The following KCNS1 variants were observed in gnomAD, a reference collection of about 807,000 sequenced individuals.
The protein encoded by KCNS1 is delayed-rectifier potassium channel regulatory subunit KCNS1.
In KCNS1, 26 loss-of-function variants were observed where a neutral mutation model predicts 33.1. That is an observed-to-expected ratio of 0.79 (90% CI 0.58 to 1.09). The LOEUF (loss-of-function observed/expected upper bound fraction) is 1.09, where lower values mean the gene tolerates loss of function less well. Among genes scored for constraint, KCNS1 ranks in the 50% least tolerant of loss-of-function variants. The pLI, the probability that KCNS1 is intolerant of heterozygous loss-of-function variation, is 0.00. For synonymous variants in KCNS1, 299 were observed against 338.8 expected, an observed-to-expected ratio of 0.88 and a Z score of 1.29; for missense variants, 702 against 752.4, an observed-to-expected ratio of 0.93 and a Z score of 0.78.
At chr20:45,095,655 T>G (rs866775223) in intron 3 of KCNS1, among the ~76,000 whole-genome samples, 1 of 152,238 alleles carries the variant, frequency 6.6e-6, no homozygotes, top group Admixed American at 6.5e-5. Context: ...ATTTTTACAC[T>G]GTTGCAGAAC....
chr20:45,098,628 G>T lies in KCNS1; in HGVS notation c.144C>A (p.Ser48Arg). ...GPDTGIRWRR[S>R]DEALRVNVGG... ...CCACGTTCACGCGCAGCGCCTCGTC[G>T]CTTCGCCGCCAGCGGATCCCGGTGT... Residue 48 changes from serine (S) to arginine (R), a missense_variant, in exon 3 of 4, where the codon AGC becomes AGA. By Grantham distance (110) the Ser-to-Arg change is moderately radical. Transcript: ENST00000537075. This position sits in a 1 kb window ranked among gnomAD's most constrained non-coding sequence, Gnocchi z 5.2. The T allele has an allele frequency of 1.4e-6, 2 of 1,474,594 alleles. No homozygotes were observed. 91.3% of individuals were successfully genotyped at this position (1,474,594 alleles called of 1,614,324 possible). A position where few individuals can be genotyped will look rare whatever the true frequency, so the allele number is the denominator to read the frequency against.
rs919928517 is a variant in KCNS1 at position 45,094,192 on chromosome 20, C to G, written c.*678G>C. On this transcript the variant is annotated 3_prime_UTR_variant, in exon 4 of 4. Transcript: ENST00000537075. Reference sequence around the variant, plus strand: ...TCCTCCCAGGACTCATCCTCCTTCCCTCCAGGACTCATCTTTGATTGCTGA... The same window carrying G: ...TCCTCCCAGGACTCATCCTCCTTCCGTCCAGGACTCATCTTTGATTGCTGA... 1 of 152,414 alleles carries G rather than the reference C, an allele frequency of 6.6e-6. No homozygotes were observed. Among genetic ancestry groups the G allele is most frequent in the Non-Finnish European group, 1.5e-5 (1 of 68,206 alleles). The allele number at this position is 152,414 out of a possible 1,614,324, so 9.4% of individuals were successfully genotyped here.
chr20:45,097,913 C>T lies in KCNS1; in HGVS notation c.859G>A (p.Val287Met). The change falls in exon 3 of 4, where the codon GTG becomes ATG. Residue 287 changes from valine to methionine, a missense_variant. Val to Met is a conservative substitution (Grantham distance 21, BLOSUM62 1). Transcript: ENST00000537075. ...GGCGCCAGCAGGAGGCGCGACGACA[C>T]CTCGAAGCTGAACCAGGCGATGCAG... ...YFCIAWFSFE[V>M]SSRLLLAPST... is the part of the protein sequence containing the mutation. The T allele has an allele frequency of 6.2e-7, 1 of 1,602,934 alleles. No individual in the cohort carries two copies. The highest frequency in any genetic ancestry group is 1.1e-5 in the South Asian group (1 of 89,504).
rs958169371 is a variant in KCNS1 at position 45,095,256 on chromosome 20, T to C, written c.1195A>G (p.Lys399Glu). ...GTGTTAAAGCCCACGTCCTCCTCCTTTTCAGCTGTGTAGGCCACACCAGAG... is the reference window on the plus strand; with the variant it reads ...GTGTTAAAGCCCACGTCCTCCTCCTCTTCAGCTGTGTAGGCCACACCAGAG... The part of the protein sequence containing the change: ...VFSGVAYTAE[K>E]EEDVGFNTIP... The change falls in exon 4 of 4, where the codon AAG (lysine) becomes GAG (glutamate). Residue 399 changes from lysine to glutamate, a missense_variant. Lys to Glu is a moderately conservative substitution (Grantham distance 56). Transcript: ENST00000537075. 4.3e-6 allele frequency: 7 copies of C among 1,613,862 alleles called. No individual in the cohort carries two copies. The highest frequency in any genetic ancestry group is 1.1e-5 in the South Asian group (1 of 91,074).
Position 45,098,598 on chromosome 20 carries a change from G to A in KCNS1, c.174C>T (p.Gly58=), listed in dbSNP as rs770175779. 3 of 1,426,224 alleles carry A rather than the reference G, an allele frequency of 2.1e-6. No individual in the cohort carries two copies. The highest frequency in any genetic ancestry group is 3.0e-5 in the African/African-American group (2 of 67,444). 88.3% of individuals were successfully genotyped at this position (1,426,224 alleles called of 1,614,324 possible). The change falls in exon 3 of 4, where the codon GGC becomes GGT. Residue 58 remains glycine (G), a synonymous_variant. Coordinates refer to ENST00000537075, the MANE Select transcript of KCNS1 (RefSeq NM_001322799.2). The surrounding 1 kb of genome is among the most constrained non-coding windows in gnomAD (Gnocchi z 5.2). ...SDEALRVNVG[G]VRRQLSARAL... ...CGCGCGCGCTCAGCTGCCGCCGCAC[G>A]CCACCCACGTTCACGCGCAGCGCCT...
At chr20:45,096,069 T>C (rs1244902435) in intron 3 of KCNS1, among the ~76,000 whole-genome samples, 1 of 152,210 alleles carries the variant, frequency 6.6e-6, no homozygotes, top group Non-Finnish European at 1.5e-5. Context: ...CAAATGTCAG[T>C]AATGCGAGGC....
rs1412517405 is a variant in KCNS1 at position 45,093,925 on chromosome 20, T to C, written c.*945A>G. ...TAGAGACCCCTCTGCTCTCCTTGGC[T>C]TTCATTGCCCTCTGGGTCACAGATT... On this transcript the variant is annotated 3_prime_UTR_variant, in exon 4 of 4. Transcript: ENST00000537075. 1 of 152,240 alleles carries C rather than the reference T, an allele frequency of 6.6e-6. No individual in the cohort carries two copies. Among genetic ancestry groups the C allele is most frequent in the Non-Finnish European group, 1.5e-5 (1 of 68,104 alleles). The allele number at this position is 152,240 out of a possible 1,614,324, so 9.4% of individuals were successfully genotyped here.
In KCNS1 at chr20:45,092,651, A is replaced by T. The variant is rs534545531; in HGVS notation, c.*2219T>A. ...ATTCAAGGGAGGCCCTTTGCTGCTT[A>T]GCTCCATCCTCTGTTCCAATCTGGA... On this transcript the variant is annotated 3_prime_UTR_variant, in exon 4 of 4. Coordinates refer to ENST00000537075, the MANE Select transcript of KCNS1 (RefSeq NM_001322799.2). 6.6e-6 allele frequency: 1 copy of T among 152,120 alleles called. No homozygotes were observed. Among genetic ancestry groups the T allele is most frequent in the African/African-American group, 2.4e-5 (1 of 41,390 alleles). 9.4% of individuals were successfully genotyped at this position (152,120 alleles called of 1,614,324 possible).
chr20:45,098,669 C>A lies in KCNS1; in HGVS notation c.103G>T (p.Glu35Ter), dbSNP rs758267249. The A allele has an allele frequency of 2.1e-6, 3 of 1,450,840 alleles. No individual in the cohort carries two copies. Among genetic ancestry groups the A allele is most frequent in the South Asian group, 1.5e-5 (1 of 66,360 alleles). 89.9% of individuals were successfully genotyped at this position (1,450,840 alleles called of 1,614,324 possible). Residue 35 changes from glutamate (E) to a stop codon, truncating the protein, a stop_gained, in exon 3 of 4, where the codon GAG becomes TAG. Coordinates refer to ENST00000537075, the MANE Select transcript of KCNS1 (RefSeq NM_001322799.2). LOFTEE classifies it high-confidence loss of function. This position sits in a 1 kb window ranked among gnomAD's most constrained non-coding sequence, Gnocchi z 5.2. ...GGRSTETFVS[E>*]FPGPDTGIRW... ...ATCCCGGTGTCGGGGCCCGGGAACT[C>A]GCTCACAAAGGTTTCAGTGCTCCTC...
intron 1 of KCNS1, among the ~76,000 whole-genome samples, chr20:45,099,955 C>T (rs905730802): frequency 6.6e-6 from 1 of 152,234 alleles, no homozygotes; most frequent in African/African-American, 2.4e-5. Flanking sequence ...TTTGGGGTTC[C>T]ACCCTTAGCT....
rs374731846 is a variant in KCNS1, at chr20:45,097,402, AAAAG to A, written c.1110+256_1110+259del. Among the ~76,000 whole-genome samples, 223 of 152,376 alleles carry A rather than the reference AAAAG, an allele frequency of 1.5e-3. 2 individuals carry two copies. The highest frequency in any genetic ancestry group is 0.012 in the Admixed American group (186 of 15,310). ...TCTTTGTCTTTTTTCTTCGTTTTGA[AAAAG>A]AAAGACAAGCAAAGCTATGCCCCAG... On this transcript the variant is annotated intron_variant, in intron 3 of 3. Transcript: ENST00000537075.
Position 45,095,353 on chromosome 20 carries a change from G to A in KCNS1, c.1111-13C>T, listed in dbSNP as rs752951820. The A allele has an allele frequency of 1.2e-6, 2 of 1,605,098 alleles. No individual in the cohort carries two copies. The highest frequency in any genetic ancestry group is 1.7e-6 in the Non-Finnish European group (2 of 1,175,022). Reference sequence around the variant, plus strand: ...CACGGTAGCTGTGCTGAAAGAGAATGTAGAAAGCCAAGTCAGAGTGGATGG... The same window carrying A: ...CACGGTAGCTGTGCTGAAAGAGAATATAGAAAGCCAAGTCAGAGTGGATGG... On this transcript the variant is annotated splice_polypyrimidine_tract_variant and intron_variant, in intron 3 of 3. Coordinates refer to ENST00000537075, the MANE Select transcript of KCNS1 (RefSeq NM_001322799.2).
chr20:45,098,609 T>C lies in KCNS1; in HGVS notation c.163A>G (p.Asn55Asp). 6.8e-7 allele frequency: 1 copy of C among 1,460,150 alleles called. No individual in the cohort carries two copies. The highest frequency in any genetic ancestry group is 2.3e-4 in the Middle Eastern group (1 of 4,368). The allele number at this position is 1,460,150 out of a possible 1,614,324, so 90.4% of individuals were successfully genotyped here. The change falls in exon 3 of 4, where the codon AAC becomes GAC. Residue 55 changes from asparagine (N) to aspartate (D), a missense_variant. Physicochemically the swap from Asn to Asp is conservative, Grantham distance 23. Coordinates refer to ENST00000537075, the MANE Select transcript of KCNS1 (RefSeq NM_001322799.2). The surrounding 1 kb of genome is among the most constrained non-coding windows in gnomAD (Gnocchi z 5.2). ...WRRSDEALRV[N>D]VGGVRRQLSA... ...AGCTGCCGCCGCACGCCACCCACGTTCACGCGCAGCGCCTCGTCGCTTCGC... is the reference window on the plus strand; with the variant it reads ...AGCTGCCGCCGCACGCCACCCACGTCCACGCGCAGCGCCTCGTCGCTTCGC...
At position 45,097,970 on chromosome 20, in the gene KCNS1, C is replaced by G; in HGVS notation, c.802G>C (p.Asp268His). 3.9e-6 allele frequency: 6 copies of G among 1,553,738 alleles called. 1 individual carries two copies. The South Asian group carries it at 7.1e-5, about 18-fold the overall frequency. ...AAGRSPEGVRDDPVLRRLEYF... is the reference protein window; with the variant it reads ...AAGRSPEGVRHDPVLRRLEYF... ...TCGAGGCGTCGCAGCACCGGGTCGT[C>G]GCGCACGCCTTCCGGGCTGCGGCCC... is the stretch of plus-strand genomic sequence containing the variant. Residue 268 changes from aspartate (D) to histidine (H), a missense_variant, in exon 3 of 4, where the codon GAC (aspartate) becomes CAC (histidine). Asp to His is a moderately conservative substitution (Grantham distance 81). Around this residue, in one of 3 missense-constraint regions of KCNS1, gnomAD observed 253 missense variants for 327.4 expected, o/e 0.77. Transcript: ENST00000537075.
Position 45,094,952 on chromosome 20 carries a change from G to A in KCNS1, c.1499C>T (p.Ser500Phe). ...CTGTCCCTCCTGAGAGGTTTCTCGG[G>A]ATGTCTCCAGAGATGCCTCCGACAC... is the stretch of plus-strand genomic sequence containing the variant. ...DGVSEASLET[S>F]RETSQEGQSA... The change falls in exon 4 of 4, where the codon TCC becomes TTC. Residue 500 changes from serine (S) to phenylalanine (F), a missense_variant. Ser to Phe is a radical substitution (Grantham distance 155). This residue lies in a region of KCNS1 where 75 missense variants were observed against 72.7 expected (regional missense o/e 1.03). Coordinates refer to ENST00000537075, the MANE Select transcript of KCNS1 (RefSeq NM_001322799.2). 1 of 1,613,922 alleles carries A rather than the reference G, an allele frequency of 6.2e-7. No individual in the cohort carries two copies. Among genetic ancestry groups the A allele is most frequent in the South Asian group, 1.1e-5 (1 of 91,042 alleles).
chr20:45,099,032 G>T, intron 2 of KCNS1, 129 bp downstream of exon 2: 2 of 953,958 alleles, frequency 2.1e-6, no homozygotes. Flanking sequence ...CCTAGTGGGT[G>T]CTCACATAGG....
At position 45,097,887 on chromosome 20, in the gene KCNS1, G is replaced by A. The variant is rs80310989; in HGVS notation, c.885C>T (p.Pro295=). The change falls in exon 3 of 4, where the codon CCC becomes CCT. Residue 295 remains proline (P), a synonymous_variant. Coordinates refer to ENST00000537075, the MANE Select transcript of KCNS1 (RefSeq NM_001322799.2). ...GGTGGCAGAAGAAGTTGCGCGTACT[G>A]GGCGCCAGCAGGAGGCGCGACGACA... is the stretch of plus-strand genomic sequence containing the variant. ...FEVSSRLLLA[P]STRNFFCHPL... is the part of the protein sequence containing the mutation. 1.1e-3 allele frequency: 1,822 copies of A among 1,610,810 alleles called. 22 individuals are homozygous for A. The East Asian group carries it at 0.031, about 27-fold the overall frequency.
In KCNS1 at chr20:45,097,658, G is replaced by A. The variant is rs772802418; in HGVS notation, c.1110+4C>T. ...CAGCTCCAACCTGGCCTCAGAGGCC[G>A]TACCTTGAGCGTGGCTCCCAGCGAG... On this transcript the variant is annotated splice_donor_region_variant and intron_variant, in intron 3 of 3. Transcript: ENST00000537075. The A allele has an allele frequency of 2.8e-5, 44 of 1,599,566 alleles. No homozygotes were observed. Among genetic ancestry groups the A allele is most frequent in the Non-Finnish European group, 3.3e-5 (39 of 1,177,436 alleles).
Position 45,091,743 on chromosome 20 carries a change from A to G in KCNS1, c.*3127T>C, listed in dbSNP as rs1260871046. 6.6e-6 allele frequency among the ~76,000 whole-genome samples: 1 copy of G among 152,242 alleles called. No homozygotes were observed. Among genetic ancestry groups the G allele is most frequent in the Non-Finnish European group, 1.5e-5 (1 of 68,048 alleles). On this transcript the variant is annotated 3_prime_UTR_variant, in exon 4 of 4. Coordinates refer to ENST00000537075, the MANE Select transcript of KCNS1 (RefSeq NM_001322799.2). ...TAAGACAGAGGCACTGGAAGACTTG[A>G]CATACACAGACACTGAAGTGAGATC...
Sources: allele counts gnomAD v4.1 joint callset (sites outside exome capture counted in the v4.1 genomes callset), GRCh38; gene constraint gnomAD v4.1.1; regional missense constraint gnomAD v4.1.1; non-coding constraint Gnocchi (gnomAD v3.1); transcripts MANE v1.5; gene names NCBI Gene and HGNC (gene_info 2026-07-23, HGNC 2026-07-21).